PPARGC1B: variants seen among roughly 807,000 people sequenced by gnomAD.
The protein encoded by PPARGC1B is peroxisome proliferator-activated receptor gamma coactivator 1-beta.
In PPARGC1B, 34 loss-of-function variants were observed where a neutral mutation model predicts 101.6. The observed-to-expected ratio is 0.33, with a 90% confidence interval of 0.25 to 0.45. The LOEUF (loss-of-function observed/expected upper bound fraction) is 0.45. Ranked by LOEUF, PPARGC1B falls within the 20% of genes least tolerant of loss-of-function variation. The probability of loss-of-function intolerance (pLI) is 1.00; values close to 1 mark genes in which losing one functional copy is unlikely to be tolerated. For missense variants in PPARGC1B, 1,234 were observed against 1,317.6 expected, an observed-to-expected ratio of 0.94 and a Z score of 0.98; for synonymous variants, 548 against 539.3, an observed-to-expected ratio of 1.02 and a Z score of -0.22.
At chr5:149,839,078 T>C (rs1759226690) in intron 8 of PPARGC1B, among the ~76,000 whole-genome samples, 1 of 152,226 alleles carries the variant, frequency 6.6e-6, no homozygotes, top group Non-Finnish European at 1.5e-5. Flanking sequence ...TGGAGGTATC[T>C]GCTGCTTATC....
At chr5:149,751,952 C>G (rs891266394) in intron 1 of PPARGC1B, among the ~76,000 whole-genome samples, 1 of 152,162 alleles carries the variant, frequency 6.6e-6, no homozygotes, top group African/African-American at 2.4e-5. Flanking sequence ...ATGGGAACAG[C>G]AATCCCTGCA....
At chr5:149,838,608 T>A (rs1759208575) in intron 8 of PPARGC1B, among the ~76,000 whole-genome samples, 1 of 152,236 alleles carries the variant, frequency 6.6e-6, no homozygotes, top group Non-Finnish European at 1.5e-5. Context: ...CTCCTTTCTC[T>A]CCTGCCCAGC....
At chr5:149,777,054 G>A (rs1281615791) in intron 1 of PPARGC1B, among the ~76,000 whole-genome samples, 1 of 152,220 alleles carries the variant, frequency 6.6e-6, no homozygotes, top group Non-Finnish European at 1.5e-5. Flanking sequence ...TTGTGCAGGT[G>A]CTGGGCCTGA....
At chr5:149,744,515 G>A (rs979187675) in intron 1 of PPARGC1B, among the ~76,000 whole-genome samples, 4 of 152,178 alleles carry the variant, frequency 2.6e-5, no homozygotes, top group African/African-American at 9.7e-5. Context: ...CGTGTCTGAG[G>A]AAAGGTACAT....
rs1372725085 is a variant in PPARGC1B, at chr5:149,854,881, C to T, written c.*7323C>T. ...ATACTTCAGAACTGGCTTCTTTTCT[C>T]AAACTCCCACTGTGGGGTTATTGTT... On this transcript the variant is annotated 3_prime_UTR_variant, in exon 12 of 12. Coordinates refer to ENST00000309241, the MANE Select transcript of PPARGC1B (RefSeq NM_133263.4). 6.6e-6 allele frequency: 1 copy of T among 152,188 alleles called. No homozygotes were observed. Among genetic ancestry groups the T allele is most frequent in the Non-Finnish European group, 1.5e-5 (1 of 68,030 alleles). 9.4% of individuals were successfully genotyped at this position (152,188 alleles called of 1,614,324 possible). A position where few individuals can be genotyped will look rare whatever the true frequency, so the allele number is the denominator to read the frequency against.
chr5:149,780,260 C>T (rs1486841298), intron 1 of PPARGC1B, among the ~76,000 whole-genome samples: 1 of 152,244 alleles, frequency 6.6e-6, no homozygotes, highest in African/African-American at 2.4e-5. Context: ...GGCCCCAGGC[C>T]TGGCCGGTTC....
chr5:149,855,228 G>T (rs1759917494), downstream of PPARGC1B, among the ~76,000 whole-genome samples: 1 of 152,182 alleles, frequency 6.6e-6, no homozygotes, highest in South Asian at 2.1e-4. Context: ...AGGCACAGGG[G>T]CTGAGGTGGG....
chr5:149,830,041 A>AAAG (rs1758697536), intron 3 of PPARGC1B, among the ~76,000 whole-genome samples: 1 of 126,004 alleles, frequency 7.9e-6, no homozygotes, highest in South Asian at 2.4e-4. Flanking sequence ...AAAAAAAAAA[A>AAAG]AAAAAAAAAA....
chr5:149,756,086 C>A (rs1489970957), intron 1 of PPARGC1B, among the ~76,000 whole-genome samples: 2 of 152,164 alleles, frequency 1.3e-5, no homozygotes, highest in Non-Finnish European at 2.9e-5. Flanking sequence ...GGAGTCCCAT[C>A]TATACAGGGT....
rs373355278 is a variant in PPARGC1B, at chr5:149,820,592, T to C, written c.238T>C (p.Ser80Pro). Residue 80 changes from serine to proline, a missense_variant, in exon 2 of 12, where the codon TCC becomes CCC. Ser to Pro is a moderately conservative substitution (Grantham distance 74, BLOSUM62 -1). Transcript: ENST00000309241. ...TEPNQYSPDD[S>P]ELFQIDSENE... Reference sequence around the variant, plus strand: ...ACCCAACCAGTACAGCCCCGATGACTCCGAGCTCTTCCAGGTATGCCCTTT... The same window carrying C: ...ACCCAACCAGTACAGCCCCGATGACCCCGAGCTCTTCCAGGTATGCCCTTT... 16 of 1,611,316 alleles carry C rather than the reference T, an allele frequency of 9.9e-6. No individual in the cohort carries two copies. The highest frequency in any genetic ancestry group is 1.3e-5 in the Non-Finnish European group (15 of 1,179,624).
intron 1 of PPARGC1B, among the ~76,000 whole-genome samples, chr5:149,801,579 T>C (rs1396263316): frequency 6.6e-6 from 1 of 152,124 alleles, no homozygotes. Flanking sequence ...AGACACACCG[T>C]GCAGGACCTT....
chr5:149,794,510 A>C (rs777276647), intron 1 of PPARGC1B, among the ~76,000 whole-genome samples: 2 of 126,172 alleles, frequency 1.6e-5, no homozygotes, highest in Non-Finnish European at 3.3e-5. Flanking sequence ...GCATACGCTC[A>C]TGTATGTGAG....
chr5:149,732,045 G>GGT (rs3042304), intron 1 of PPARGC1B, among the ~76,000 whole-genome samples: 1,841 of 149,114 alleles, frequency 0.012, 19 homozygotes, highest in African/African-American at 0.021. Flanking sequence ...TGCGCGCGCG[G>GGT]GTGTGTGTGT....
chr5:149,811,784 T>G (rs1298766703), intron 1 of PPARGC1B, among the ~76,000 whole-genome samples: 2 of 152,244 alleles, frequency 1.3e-5, no homozygotes, highest in Non-Finnish European at 2.9e-5. Context: ...AGTTGAGTCC[T>G]CTCTCAGATC....
chr5:149,779,360 G>A (rs1581043986), intron 1 of PPARGC1B, among the ~76,000 whole-genome samples: 2 of 152,198 alleles, frequency 1.3e-5, no homozygotes, highest in African/African-American at 4.8e-5. Context: ...GCGTCTGGGG[G>A]AGGGGCTGCC....
chr5:149,839,220 A>T (rs969303756), intron 8 of PPARGC1B, among the ~76,000 whole-genome samples: 1 of 152,226 alleles, frequency 6.6e-6, no homozygotes, highest in Admixed American at 6.5e-5. Flanking sequence ...TGGCCAAGGG[A>T]TGGACACAAT....
chr5:149,835,804 A>AT (rs1759038754), intron 7 of PPARGC1B, among the ~76,000 whole-genome samples: 1 of 152,222 alleles, frequency 6.6e-6, no homozygotes, highest in African/African-American at 2.4e-5. Context: ...ATTTCATCAC[A>AT]TGCCAACTCC....
At chr5:149,785,953 A>G (rs1581051818) in intron 1 of PPARGC1B, among the ~76,000 whole-genome samples, 1 of 142,526 alleles carries the variant, frequency 7.0e-6, no homozygotes, top group African/African-American at 2.7e-5. Context: ...ACAGGGTCTC[A>G]CTCTGTTGCC....
At chr5:149,795,025 C>G (rs543731082) in intron 1 of PPARGC1B, among the ~76,000 whole-genome samples, 2 of 152,206 alleles carry the variant, frequency 1.3e-5, no homozygotes, top group African/African-American at 4.8e-5. Flanking sequence ...CAGCTAGATT[C>G]TCCATAAGAG....
Sources: gnomAD v4.1 joint callset for allele counts (sites outside exome capture counted in the v4.1 genomes callset) on GRCh38, gnomAD v4.1.1 for gene constraint, MANE v1.5 for transcripts, NCBI Gene and HGNC (gene_info 2026-07-23, HGNC 2026-07-21) for gene names.